PSMD2: variants seen among roughly 807,000 people sequenced by gnomAD.
PSMD2 encodes the protein proteasome 26S subunit ubiquitin receptor, non-ATPase 2.
PSMD2 carries 8 observed loss-of-function variants against 101.5 expected under a neutral mutation model. The ratio of observed to expected loss-of-function variants is 0.08; its 90% CI spans 0.05 to 0.14. The LOEUF (loss-of-function observed/expected upper bound fraction) is 0.14, where lower values mean the gene tolerates loss of function less well. Ranked by LOEUF, PSMD2 falls within the 10% of genes least tolerant of loss-of-function variation. PSMD2 has a pLI of 1.00. For missense variants in PSMD2, 784 were observed against 1,147.4 expected (o/e 0.68, Z 4.58); for synonymous variants, 418 against 433.8 (o/e 0.96, Z 0.45).
rs1721944645 is a variant in PSMD2, at chr3:184,309,009, CTGAG to C, written c.*124_*127del. 5 of 1,056,664 alleles carry C rather than the reference CTGAG, an allele frequency of 4.7e-6. No individual in the cohort carries two copies. Among genetic ancestry groups the C allele is most frequent in the East Asian group, 2.4e-5 (1 of 42,088 alleles). 65.5% of individuals were successfully genotyped at this position (1,056,664 alleles called of 1,614,324 possible). A position where few individuals can be genotyped will look rare whatever the true frequency, so the allele number is the denominator to read the frequency against. Reference sequence around the variant, plus strand: ...ATTGTCGCCTCCTGCTCTTTTGTTACTGAGTGAGATAAGGTTGTTCAATAAAGAC... The same window carrying C: ...ATTGTCGCCTCCTGCTCTTTTGTTACTGAGATAAGGTTGTTCAATAAAGAC... On this transcript the variant is annotated 3_prime_UTR_variant, in exon 21 of 21. Coordinates refer to ENST00000310118, the MANE Select transcript of PSMD2 (RefSeq NM_002808.5).
intron 7 of PSMD2, 76 bp from the exon 8 acceptor site, chr3:184,302,926 C>T: frequency 6.2e-7 from 1 of 1,609,378 alleles, no homozygotes; most frequent in Middle Eastern, 1.7e-4. Flanking sequence ...ATTAGAATTG[C>T]CATTCAGTGG....
Position 184,303,344 on chromosome 3 carries a change from T to A in PSMD2, c.1094T>A (p.Val365Glu). 1.2e-6 allele frequency: 2 copies of A among 1,613,864 alleles called. No individual in the cohort carries two copies. Among genetic ancestry groups the A allele is most frequent in the Non-Finnish European group, 8.5e-7 (1 of 1,179,994 alleles). The change falls in exon 9 of 21, where the codon GTG becomes GAG. Residue 365 changes from valine (V) to glutamate (E), a missense_variant. Transcript: ENST00000310118. ...NNRFGGSGSQ[V>E]DSARMNLASS... ...GGGTTTGGGGGCAGTGGCTCTCAGG[T>A]GGACTCTGCCCGCATGAACCTGGCC...
Position 184,299,356 on chromosome 3 carries a change from C to A in PSMD2, c.90C>A (p.Gly30=). Residue 30 remains glycine (G), a synonymous_variant, in exon 1 of 21, where the codon GGC becomes GGA. Coordinates refer to ENST00000310118, the MANE Select transcript of PSMD2 (RefSeq NM_002808.5). The stretch of plus-strand genomic sequence containing the variant: ...GCGGCACGGACGAGAAGCCGAGCGG[C>A]AAGGAGCGGCGGGATGCCGGGGACA... The part of the protein sequence containing the change: ...APGGTDEKPS[G]KERRDAGDKD... 7.1e-7 allele frequency: 1 copy of A among 1,413,526 alleles called. No homozygotes were observed. Among genetic ancestry groups the A allele is most frequent in the Non-Finnish European group, 9.2e-7 (1 of 1,087,248 alleles). The allele number at this position is 1,413,526 out of a possible 1,614,324, so 87.6% of individuals were successfully genotyped here. A position where few individuals can be genotyped will look rare whatever the true frequency, so the allele number is the denominator to read the frequency against.
At chr3:184,303,830 A>G (rs1269544531) in intron 10 of PSMD2, 81 bp downstream of exon 10, 1 of 1,598,776 alleles carries the variant, frequency 6.3e-7, no homozygotes, top group Admixed American at 1.7e-5. Context: ...TTCACTGATG[A>G]GGTCTGCCCA....
At position 184,300,507 on chromosome 3, in the gene PSMD2, G is replaced by A. The variant is rs1204107442; in HGVS notation, c.357+63G>A. On this transcript the variant is annotated intron_variant, in intron 3 of 20. Coordinates refer to ENST00000310118, the MANE Select transcript of PSMD2 (RefSeq NM_002808.5). The stretch of plus-strand genomic sequence containing the variant: ...GAATTCCTTTTTACCCAGATCATGG[G>A]GGGACTCATTGTGAGTCACAGGAAG... The A allele has an allele frequency of 4.5e-6, 7 of 1,564,590 alleles. No individual in the cohort carries two copies. The Admixed American group carries it at 1.3e-4, about 29-fold the overall frequency.
At position 184,302,608 on chromosome 3, in the gene PSMD2, G is replaced by A. The variant is rs939499821; in HGVS notation, c.864-71G>A. 3.4e-5 allele frequency: 55 copies of A among 1,611,604 alleles called. No homozygotes were observed. The Admixed American group carries it at 6.0e-4, about 18-fold the overall frequency. On this transcript the variant is annotated intron_variant, in intron 6 of 20. Coordinates refer to ENST00000310118, the MANE Select transcript of PSMD2 (RefSeq NM_002808.5). ...AAAGAGCTGGGACTTGTAGTTTCTG[G>A]TTAGGGCTTGAGGGGTTTTCCTGTG... is the stretch of plus-strand genomic sequence containing the variant.
chr3:184,299,931 T>G (rs756059313), intron 2 of PSMD2, 24 bp downstream of exon 2: 2 of 1,600,098 alleles, frequency 1.2e-6, no homozygotes, highest in South Asian at 1.1e-5. Context: ...TTAACATGAT[T>G]CGGTGCATGT....
In PSMD2 at chr3:184,301,257, A is replaced by AC. The variant is rs1455540760; in HGVS notation, c.358-276dup. Among the ~76,000 whole-genome samples the AC allele has an allele frequency of 6.6e-5, 10 of 150,644 alleles. No homozygotes were observed. The East Asian group carries it at 2.0e-3, about 29-fold the overall frequency. On this transcript the variant is annotated intron_variant, in intron 3 of 20. Coordinates refer to ENST00000310118, the MANE Select transcript of PSMD2 (RefSeq NM_002808.5). ...AAGCTGAGGCAGGAGAATCACTTGA[A>AC]CCCCGGAGGCAGAGGTTGCAGTGAA...
chr3:184,302,337 T>C (rs1162888834), intron 5 of PSMD2, 33 bp from the exon 6 acceptor site: 2 of 1,601,718 alleles, frequency 1.2e-6, no homozygotes, highest in Non-Finnish European at 1.7e-6. Context: ...TGCCTGGGAC[T>C]TTCTGAATTC....
intron 1 of PSMD2, 151 bp downstream of exon 1, chr3:184,299,552 G>A: frequency 1.8e-6 from 2 of 1,098,426 alleles, no homozygotes; most frequent in Non-Finnish European, 2.4e-6. Flanking sequence ...TTGCCTCTCT[G>A]CTCCTCATTC....
Position 184,303,480 on chromosome 3 carries a change from C to G in PSMD2, c.1216+14C>G. On this transcript the variant is annotated intron_variant, in intron 9 of 20. Transcript: ENST00000310118. ...ACAAGGACCACGGTATAATTCTGTT[C>G]CTGCTTTGTCTTTTGTTTTGCTTTG... The G allele has an allele frequency of 1.2e-6, 2 of 1,612,550 alleles. No homozygotes were observed. The highest frequency in any genetic ancestry group is 1.7e-5 in the Admixed American group (1 of 59,728).
chr3:184,299,914 C>A lies in PSMD2; in HGVS notation c.192+7C>A. 6.2e-7 allele frequency: 1 copy of A among 1,612,352 alleles called. No individual in the cohort carries two copies. The highest frequency in any genetic ancestry group is 8.5e-7 in the Non-Finnish European group (1 of 1,178,400). On this transcript the variant is annotated splice_region_variant and intron_variant, in intron 2 of 20. Coordinates refer to ENST00000310118, the MANE Select transcript of PSMD2 (RefSeq NM_002808.5). ...GCTCGTGGAACGACTAGGGGTGAGT[C>A]ACGATGTTAACATGATTCGGTGCAT...
chr3:184,299,595 C>G, intron 1 of PSMD2, 194 bp downstream of exon 1: 1 of 800,446 alleles, frequency 1.2e-6, no homozygotes, highest in Non-Finnish European at 1.8e-6. Context: ...GCCGTCCCCA[C>G]CAACCCTCAC....
chr3:184,308,891 G>A lies in PSMD2; in HGVS notation c.*1G>A, dbSNP rs1721938400. ...GAAGAACCCCAATTATGATCTCTAA[G>A]TGACCACCAGGGGCTCTGAACTGCA... is the stretch of plus-strand genomic sequence containing the variant. On this transcript the variant is annotated 3_prime_UTR_variant, in exon 21 of 21. Transcript: ENST00000310118. The surrounding 1 kb of genome is among the most constrained non-coding windows in gnomAD (Gnocchi z 6.0). 2 of 1,610,974 alleles carry A rather than the reference G, an allele frequency of 1.2e-6. No homozygotes were observed. The highest frequency in any genetic ancestry group is 1.7e-6 in the Non-Finnish European group (2 of 1,179,190).
chr3:184,300,028 T>C, intron 2 of PSMD2, 121 bp downstream of exon 2: 1 of 1,005,206 alleles, frequency 9.9e-7, no homozygotes, highest in Non-Finnish European at 1.6e-6. Context: ...TATGATGATG[T>C]TGGGAGGCAG....
Position 184,304,175 on chromosome 3 carries a change from G to A in PSMD2, c.1451+101G>A, listed in dbSNP as rs752273919. On this transcript the variant is annotated intron_variant, in intron 11 of 20. Coordinates refer to ENST00000310118, the MANE Select transcript of PSMD2 (RefSeq NM_002808.5). This position sits in a 1 kb window ranked among gnomAD's most constrained non-coding sequence, Gnocchi z 4.1. ...CCATATTGCCAAGGGCTACCACTGT[G>A]CCTATTGGGTATCTGGCTCTTGGTG... The A allele has an allele frequency of 9.0e-6, 14 of 1,556,630 alleles. No homozygotes were observed. Among genetic ancestry groups the A allele is most frequent in the Non-Finnish European group, 1.2e-5 (14 of 1,128,828 alleles).
At position 184,308,592 on chromosome 3, in the gene PSMD2, G is replaced by T; in HGVS notation, c.2544+25G>T. The T allele has an allele frequency of 1.9e-6, 3 of 1,592,800 alleles. No homozygotes were observed. Among genetic ancestry groups the T allele is most frequent in the South Asian group, 2.2e-5 (2 of 90,264 alleles). On this transcript the variant is annotated intron_variant, in intron 20 of 20. Coordinates refer to ENST00000310118, the MANE Select transcript of PSMD2 (RefSeq NM_002808.5). The surrounding 1 kb of genome is among the most constrained non-coding windows in gnomAD (Gnocchi z 6.0). ...GGTGAGAGGCTGAGTAGAGGGGAGG[G>T]CTCAGGCTGTATTCTCAAACTGGAG... is the stretch of plus-strand genomic sequence containing the variant.
In PSMD2 at chr3:184,302,727, C is replaced by T; in HGVS notation, c.912C>T (p.Phe304=). The T allele has an allele frequency of 6.2e-7, 1 of 1,614,046 alleles. No individual in the cohort carries two copies. Among genetic ancestry groups the T allele is most frequent in the Non-Finnish European group, 8.5e-7 (1 of 1,180,032 alleles). ...MAFMLGRHGV[F]LELSEDVEEY... The stretch of plus-strand genomic sequence containing the variant: ...TCATGCTAGGCCGGCATGGGGTGTT[C>T]CTGGAGCTGAGTGAAGATGTCGAGG... The change falls in exon 7 of 21, where the codon TTC becomes TTT. Residue 304 remains phenylalanine, a synonymous_variant. Coordinates refer to ENST00000310118, the MANE Select transcript of PSMD2 (RefSeq NM_002808.5).
intron 2 of PSMD2, 73 bp from the exon 3 acceptor site, chr3:184,300,207 G>A (rs1486626179): frequency 2.8e-6 from 4 of 1,424,468 alleles, no homozygotes; most frequent in Middle Eastern, 2.3e-4. Flanking sequence ...GAGTTGTTAA[G>A]TTAAATATCT....
Sources: allele counts gnomAD v4.1 joint callset (sites outside exome capture counted in the v4.1 genomes callset), GRCh38; gene constraint gnomAD v4.1.1; non-coding constraint Gnocchi (gnomAD v3.1); transcripts MANE v1.5; gene names NCBI Gene and HGNC (gene_info 2026-07-23, HGNC 2026-07-21).